Variants in DLGAP2 observed in about 807,000 individuals in gnomAD.
DLGAP2 encodes the protein disks large-associated protein 2.
Under a neutral mutation model 100.3 loss-of-function variants are expected in DLGAP2, and 26 were observed. The ratio of observed to expected loss-of-function variants is 0.26; its 90% confidence interval spans 0.19 to 0.36. DLGAP2 has a LOEUF of 0.36. Ranked by LOEUF, DLGAP2 falls within the 10% of genes least tolerant of loss-of-function variation. DLGAP2 has a pLI of 1.00. For missense variants in DLGAP2, 1,858 were observed against 1,453.2 expected (o/e 1.28, Z -4.53); for synonymous variants, 886 against 630.1 (o/e 1.41, Z -6.08).
At chr8:777,979 A>T (rs1341573981) in intron 1 of DLGAP2, among the ~76,000 whole-genome samples, 3 of 152,010 alleles carry the variant, frequency 2.0e-5, no homozygotes, top group African/African-American at 7.3e-5. Flanking sequence ...CATCACTTTC[A>T]GGTACACCAA....
At chr8:1,518,916 T>C (rs1359281382) in intron 4 of DLGAP2, among the ~76,000 whole-genome samples, 1 of 152,210 alleles carries the variant, frequency 6.6e-6, no homozygotes, top group African/African-American at 2.4e-5. Context: ...GTGCCCGTGC[T>C]TCTCCCTCTG....
intron 3 of DLGAP2, among the ~76,000 whole-genome samples, chr8:1,439,987 C>T (rs999839307): frequency 2.0e-5 from 3 of 152,098 alleles, no homozygotes; most frequent in African/African-American, 7.2e-5. Context: ...GTGCAAGTCA[C>T]CAGAGCCACA....
intron 6 of DLGAP2, among the ~76,000 whole-genome samples, chr8:1,567,659 G>T (rs1161352234): frequency 6.6e-6 from 1 of 152,054 alleles, no homozygotes; most frequent in Non-Finnish European, 1.5e-5. Context: ...TCACATCAGG[G>T]ACTGGCCCAG....
intron 4 of DLGAP2, among the ~76,000 whole-genome samples, chr8:1,514,233 C>T (rs1456296014): frequency 2.0e-5 from 3 of 152,206 alleles, no homozygotes; most frequent in Non-Finnish European, 4.4e-5. Flanking sequence ...TACAAATGTC[C>T]TCTTTCTGCC....
rs77815381 is a variant in DLGAP2, at chr8:1,478,059, G to C, written c.107-23307G>C. Among the ~76,000 whole-genome samples the C allele has an allele frequency of 1.5e-3, 226 of 152,322 alleles. No homozygotes were observed. The East Asian group carries it at 0.028, about 19-fold the overall frequency. On this transcript the variant is annotated intron_variant, in intron 3 of 14. Coordinates refer to ENST00000637795, the MANE Select transcript of DLGAP2 (RefSeq NM_001346810.2). ...ACGTAAGGGGTAAATGTGACCTTCA[G>C]AAATCACAGCATTTCTTTTCCCCAT...
chr8:946,477 A>G lies in DLGAP2; in HGVS notation c.73+38511A>G, dbSNP rs187103708. ...ACGGGGTTTCACCATATTAGCCAGGATGGTCTCGATCTCCTGACCTTGTGA... is the reference window on the plus strand; with the variant it reads ...ACGGGGTTTCACCATATTAGCCAGGGTGGTCTCGATCTCCTGACCTTGTGA... On this transcript the variant is annotated intron_variant, in intron 2 of 14. Coordinates refer to ENST00000637795, the MANE Select transcript of DLGAP2 (RefSeq NM_001346810.2). Among the ~76,000 whole-genome samples, 166 of 152,034 alleles carry G rather than the reference A, an allele frequency of 1.1e-3. 1 individual carries two copies. Among genetic ancestry groups the G allele is most frequent in the Middle Eastern group, 0.01 (3 of 294 alleles).
chr8:1,202,743 T>G (rs1797906459), intron 2 of DLGAP2, among the ~76,000 whole-genome samples: 2 of 152,168 alleles, frequency 1.3e-5, no homozygotes, highest in Non-Finnish European at 2.9e-5. Context: ...TGTGCACCTG[T>G]GTGAGATCCA....
intron 2 of DLGAP2, among the ~76,000 whole-genome samples, chr8:974,848 G>A (rs1271386114): frequency 1.3e-5 from 2 of 151,992 alleles, no homozygotes; most frequent in Non-Finnish European, 2.9e-5. Context: ...AACTAGAGAA[G>A]AGCAAATTAA....
intron 1 of DLGAP2, among the ~76,000 whole-genome samples, chr8:784,956 C>T (rs1161961131): frequency 6.6e-6 from 1 of 152,020 alleles, no homozygotes; most frequent in Non-Finnish European, 1.5e-5. Flanking sequence ...GCCTGTAATC[C>T]CAGCACTTTG....
At chr8:989,976 C>G (rs139406828) in intron 2 of DLGAP2, among the ~76,000 whole-genome samples, 1 of 152,052 alleles carries the variant, frequency 6.6e-6, no homozygotes, top group Non-Finnish European at 1.5e-5. Flanking sequence ...CTCTGAGGAA[C>G]GTATTCCTCA....
chr8:1,377,109 G>A (rs549810771), intron 3 of DLGAP2, among the ~76,000 whole-genome samples: 12 of 152,358 alleles, frequency 7.9e-5, no homozygotes, highest in East Asian at 3.9e-4. Context: ...CCAGATAGGC[G>A]TGTGCGTCCC....
At chr8:1,380,268 G>T (rs558370329) in intron 3 of DLGAP2, 2 of 152,224 alleles carry the variant, frequency 1.3e-5, no homozygotes, top group Non-Finnish European at 2.9e-5. Context: ...AGTGTTTGCT[G>T]TGCGTGTGGG....
intron 2 of DLGAP2, among the ~76,000 whole-genome samples, chr8:1,087,602 G>T (rs114946051): frequency 0.011 from 1,566 of 146,116 alleles, 24 homozygotes; most frequent in African/African-American, 0.036. Context: ...CTTCTAGGCT[G>T]TCTCCTTTGG....
chr8:1,580,423 G>C (rs1213424788), intron 6 of DLGAP2, among the ~76,000 whole-genome samples: 1 of 152,180 alleles, frequency 6.6e-6, no homozygotes, highest in Non-Finnish European at 1.5e-5. Flanking sequence ...ATTACCCAGC[G>C]GAGGCTCGAA....
At chr8:1,433,143 C>T (rs1797505465) in intron 3 of DLGAP2, among the ~76,000 whole-genome samples, 1 of 152,202 alleles carries the variant, frequency 6.6e-6, no homozygotes, top group African/African-American at 2.4e-5. Context: ...GAGGAAGCCC[C>T]CGCCATGAGC....
chr8:1,575,430 C>A (rs924192724), intron 6 of DLGAP2, among the ~76,000 whole-genome samples: 4 of 146,466 alleles, frequency 2.7e-5, no homozygotes, highest in African/African-American at 1.0e-4. Flanking sequence ...AAAAGAACCA[C>A]CCTCCGTGAG....
chr8:1,465,383 C>T (rs570260921), intron 3 of DLGAP2, among the ~76,000 whole-genome samples: 3 of 148,100 alleles, frequency 2.0e-5, no homozygotes, highest in African/African-American at 5.0e-5. Flanking sequence ...ATGAGCAGAG[C>T]GAAGGGAAGA....
At chr8:1,656,379 A>C (rs1043072369) in intron 8 of DLGAP2, among the ~76,000 whole-genome samples, 1 of 152,092 alleles carries the variant, frequency 6.6e-6, no homozygotes, top group Non-Finnish European at 1.5e-5. Context: ...CAGTCTAGAA[A>C]GGAGCCTTTC....
chr8:1,355,815 T>C (rs1210461657), intron 3 of DLGAP2, among the ~76,000 whole-genome samples: 1 of 152,140 alleles, frequency 6.6e-6, no homozygotes, highest in Non-Finnish European at 1.5e-5. Context: ...CCCACGGTCC[T>C]GGCCATGCCC....
Sources: allele counts gnomAD v4.1 joint callset (sites outside exome capture counted in the v4.1 genomes callset), GRCh38; gene constraint gnomAD v4.1.1; transcripts MANE v1.5; gene names NCBI Gene and HGNC (gene_info 2026-07-23, HGNC 2026-07-21).